Variants in KIAA1217 observed in about 807,000 individuals in gnomAD.
KIAA1217 encodes the protein KIAA1217.
KIAA1217 carries 88 observed loss-of-function variants against 163.9 expected under a neutral mutation model. The observed-to-expected ratio is 0.54, with a 90% CI of 0.45 to 0.64. KIAA1217 has a LOEUF of 0.64. KIAA1217 is among the 30% of genes least tolerant of loss of function. KIAA1217 has a pLI of 0.00. For synonymous variants in KIAA1217, 903 were observed against 923.1 expected (o/e 0.98, Z 0.39); for missense variants, 2,372 against 2,475.0 (o/e 0.96, Z 0.88).
intron 6 of KIAA1217, chr10:24,481,972 A>C (rs571361400): frequency 2.4e-4 from 37 of 152,358 alleles, no homozygotes; most frequent in Non-Finnish European, 4.7e-4. Flanking sequence ...TGCCAGTCTC[A>C]GAAATCAAGT....
intron 2 of KIAA1217, among the ~76,000 whole-genome samples, chr10:24,291,909 G>T (rs2132471542): frequency 6.6e-6 from 1 of 152,228 alleles, no homozygotes; most frequent in Middle Eastern, 3.4e-3. Context: ...ATACACATGG[G>T]TCTGTAAATA....
chr10:24,358,156 A>G (rs985408152), intron 2 of KIAA1217, among the ~76,000 whole-genome samples: 3 of 152,034 alleles, frequency 2.0e-5, no homozygotes, highest in Non-Finnish European at 2.9e-5. Flanking sequence ...TGATCATTAC[A>G]TTTCAGTGTG....
intron 2 of KIAA1217, chr10:24,255,266 T>A (rs929767310): frequency 1.4e-5 from 4 of 289,652 alleles, no homozygotes; most frequent in Non-Finnish European, 2.7e-5. Context: ...CGGATTTACC[T>A]AAACCCCACC....
At chr10:24,111,127 G>T (rs1214152194) in intron 2 of KIAA1217, among the ~76,000 whole-genome samples, 1 of 152,068 alleles carries the variant, frequency 6.6e-6, no homozygotes, top group Non-Finnish European at 1.5e-5. Flanking sequence ...TACATTATGG[G>T]AACATAAACT....
At chr10:24,449,324 A>G (rs746972547) in intron 5 of KIAA1217, 28 of 316,128 alleles carry the variant, frequency 8.9e-5, no homozygotes, top group Admixed American at 4.1e-4. Flanking sequence ...TCCTTGTACT[A>G]TTTTTTTTTT....
chr10:24,330,717 G>A (rs542599224), intron 2 of KIAA1217, among the ~76,000 whole-genome samples: 1 of 152,158 alleles, frequency 6.6e-6, no homozygotes, highest in South Asian at 2.1e-4. Flanking sequence ...CCAAGCTCAA[G>A]CAATCCTCCC....
At chr10:23,950,519 G>A (rs1025917116) in intron 1 of KIAA1217, among the ~76,000 whole-genome samples, 2 of 151,740 alleles carry the variant, frequency 1.3e-5, no homozygotes, top group East Asian at 1.9e-4. Flanking sequence ...TATTGAGCAC[G>A]AAAATTGGGC....
intron 1 of KIAA1217, among the ~76,000 whole-genome samples, chr10:23,803,938 C>A (rs1572361): frequency 5.9e-5 from 9 of 151,800 alleles, no homozygotes; most frequent in Admixed American, 5.2e-4. Flanking sequence ...TAGATATCTA[C>A]GTGTTTATAA....
At chr10:23,902,575 C>T (rs1043269950) in intron 1 of KIAA1217, among the ~76,000 whole-genome samples, 5 of 152,036 alleles carry the variant, frequency 3.3e-5, no homozygotes, top group African/African-American at 7.2e-5. Context: ...GCTCCAGAAC[C>T]AATTCATAGC....
At chr10:24,182,438 T>TCACACACACACA (rs3222547) in intron 2 of KIAA1217, among the ~76,000 whole-genome samples, 6,044 of 144,796 alleles carry the variant, frequency 0.042, 167 homozygotes, top group South Asian at 0.081. Flanking sequence ...CAAGACTCCA[T>TCACACACACACA]CACACACACA....
At chr10:24,362,093 G>C (rs1014569461) in intron 2 of KIAA1217, among the ~76,000 whole-genome samples, 1 of 151,642 alleles carries the variant, frequency 6.6e-6, no homozygotes, top group East Asian at 1.9e-4. Context: ...GCATCTTTTT[G>C]AGAATGCAAT....
intron 1 of KIAA1217, among the ~76,000 whole-genome samples, chr10:23,922,342 C>A (rs1012451346): frequency 6.6e-6 from 1 of 152,200 alleles, no homozygotes; most frequent in African/African-American, 2.4e-5. Flanking sequence ...TTTATAATAT[C>A]TTTTCTAATA....
chr10:24,146,558 C>A (rs1284190214), intron 2 of KIAA1217, among the ~76,000 whole-genome samples: 1 of 152,108 alleles, frequency 6.6e-6, no homozygotes, highest in African/African-American at 2.4e-5. Flanking sequence ...TGGTGGAACA[C>A]GCCTGCAGTC....
chr10:23,955,889 G>T (rs1406643854), intron 1 of KIAA1217, among the ~76,000 whole-genome samples: 1 of 152,050 alleles, frequency 6.6e-6, no homozygotes, highest in Non-Finnish European at 1.5e-5. Flanking sequence ...ACTTTCAGAC[G>T]TGCAGTTAAA....
chr10:24,164,602 G>A (rs1159284970), intron 2 of KIAA1217, among the ~76,000 whole-genome samples: 27 of 152,170 alleles, frequency 1.8e-4, no homozygotes, highest in Admixed American at 1.8e-3. Flanking sequence ...GTAGTTTGAT[G>A]GATGTGAGTT....
intron 2 of KIAA1217, among the ~76,000 whole-genome samples, chr10:24,135,330 G>A (rs1280403005): frequency 6.6e-6 from 1 of 152,118 alleles, no homozygotes; most frequent in Non-Finnish European, 1.5e-5. Flanking sequence ...GTTGGGGGAA[G>A]ACTTTAAGTC....
At chr10:24,452,216 T>C (rs982488089) in intron 5 of KIAA1217, among the ~76,000 whole-genome samples, 7 of 152,180 alleles carry the variant, frequency 4.6e-5, no homozygotes, top group Non-Finnish European at 1.0e-4. Flanking sequence ...GCAGAAGTCA[T>C]AGATACTCTG....
chr10:24,283,610 G>A (rs1389710048), intron 2 of KIAA1217, among the ~76,000 whole-genome samples: 4 of 152,080 alleles, frequency 2.6e-5, no homozygotes, highest in Non-Finnish European at 5.9e-5. Context: ...AGGTTGCAGT[G>A]AGCCAATGTT....
chr10:24,497,189 T>C lies in KIAA1217; in HGVS notation c.1834+1993T>C, dbSNP rs2066899205. 2.6e-5 allele frequency among the ~76,000 whole-genome samples: 4 copies of C among 152,182 alleles called. No individual in the cohort carries two copies. The South Asian group carries it at 6.2e-4, about 24-fold the overall frequency. On this transcript the variant is annotated intron_variant, in intron 8 of 20. Transcript: ENST00000376454. ...TTCTGTAGACAAGTAAACGGAATTA[T>C]ATAGAAGTCAAGGAACTCATCTGGC...
Sources: gnomAD v4.1 joint callset for allele counts (sites outside exome capture counted in the v4.1 genomes callset) on GRCh38, gnomAD v4.1.1 for gene constraint, MANE v1.5 for transcripts, NCBI Gene and HGNC (gene_info 2026-07-23, HGNC 2026-07-21) for gene names.